Variants in ACSS3 observed in about 807,000 individuals in gnomAD.
ACSS3 encodes the protein acyl-CoA synthetase short-chain family member 3, mitochondrial.
In ACSS3, 64 loss-of-function variants were observed where a neutral mutation model predicts 84.2. That is an observed-to-expected ratio of 0.76 (90% CI 0.62 to 0.94). The LOEUF (loss-of-function observed/expected upper bound fraction) is 0.94. ACSS3 is among the 40% of genes least tolerant of loss of function. The pLI, the probability that ACSS3 is intolerant of heterozygous loss-of-function variation, is 0.00. For synonymous variants in ACSS3, 317 were observed against 310.1 expected, an observed-to-expected ratio of 1.02 and a Z score of -0.23; for missense variants, 815 against 867.6, an observed-to-expected ratio of 0.94 and a Z score of 0.76.
chr12:81,184,886 G>A (rs1225892868), intron 8 of ACSS3, among the ~76,000 whole-genome samples: 1 of 151,620 alleles, frequency 6.6e-6, no homozygotes, highest in African/African-American at 2.4e-5. Flanking sequence ...CACATTTTAT[G>A]GGGCCAGCAT....
chr12:81,117,315 T>C (rs1472927168), intron 2 of ACSS3, among the ~76,000 whole-genome samples: 1 of 152,180 alleles, frequency 6.6e-6, no homozygotes, highest in African/African-American at 2.4e-5. Context: ...TAGTTGGGAA[T>C]ATGTACTATG....
intron 8 of ACSS3, among the ~76,000 whole-genome samples, chr12:81,191,954 A>T (rs2031591369): frequency 1.3e-5 from 2 of 152,212 alleles, no homozygotes; most frequent in African/African-American, 4.8e-5. Flanking sequence ...ATATTTCCTG[A>T]ACATATTCAT....
At chr12:81,152,222 A>T in intron 7 of ACSS3, 126 bp downstream of exon 7, 1 of 620,778 alleles carries the variant, frequency 1.6e-6, no homozygotes, top group East Asian at 2.9e-5. Flanking sequence ...ATCTTCTTCC[A>T]GTTAAAAATA....
intron 2 of ACSS3, chr12:81,125,739 A>G (rs1301887380): frequency 6.6e-6 from 1 of 152,070 alleles, no homozygotes; most frequent in Non-Finnish European, 1.5e-5. Flanking sequence ...CTCTCTTCTG[A>G]TGTTGAGATC....
At position 81,255,105 on chromosome 12, in the gene ACSS3, T is replaced by G; in HGVS notation, c.*183T>G. 1.8e-6 allele frequency: 1 copy of G among 552,668 alleles called. No homozygotes were observed. The highest frequency in any genetic ancestry group is 2.7e-5 in the South Asian group (1 of 36,696). 34.2% of individuals were successfully genotyped at this position (552,668 alleles called of 1,614,324 possible). ...GAAAGACCTGTGCCTTTTTTTTGGT[T>G]TGACCCTGTTAGCATTGTTATTAGT... On this transcript the variant is annotated 3_prime_UTR_variant, in exon 16 of 16. Coordinates refer to ENST00000548058, the MANE Select transcript of ACSS3 (RefSeq NM_024560.4).
chr12:81,213,957 C>CTTTCTTTCTTTCTTTCTTTCTTTCTT (rs1165408959), intron 9 of ACSS3, among the ~76,000 whole-genome samples: 4 of 49,146 alleles, frequency 8.1e-5, no homozygotes, highest in Non-Finnish European at 1.7e-4. Context: ...CTCCCTCTCT[C>CTTTCTTTCTTTCTTTCTTTCTTTCTT]TCTTTCTTTC....
At chr12:81,120,609 A>G (rs1884503440) in intron 2 of ACSS3, among the ~76,000 whole-genome samples, 1 of 152,202 alleles carries the variant, frequency 6.6e-6, no homozygotes, top group African/African-American at 2.4e-5. Flanking sequence ...TATTTTTCAT[A>G]TAAGGTTTTC....
chr12:81,123,654 C>T lies in ACSS3; in HGVS notation c.457-11162C>T, dbSNP rs1370351394. 3.9e-5 allele frequency among the ~76,000 whole-genome samples: 6 copies of T among 152,026 alleles called. No individual in the cohort carries two copies. The East Asian group carries it at 7.7e-4, about 20-fold the overall frequency. ...ATAGTCCCCAGTGCCCAGTGTCTAT[C>T]GTTCTCATCTCTATTTCCATATGTA... On this transcript the variant is annotated intron_variant, in intron 2 of 15. Coordinates refer to ENST00000548058, the MANE Select transcript of ACSS3 (RefSeq NM_024560.4).
chr12:81,202,837 TAAG>T (rs2032170230), intron 9 of ACSS3, among the ~76,000 whole-genome samples: 1 of 152,200 alleles, frequency 6.6e-6, no homozygotes, highest in South Asian at 2.1e-4. Context: ...ACTTGAGTTG[TAAG>T]AAGGGACTCC....
rs915375300 is a variant in ACSS3 at position 81,256,691 on chromosome 12, A to T, written c.*1769A>T. On this transcript the variant is annotated 3_prime_UTR_variant, in exon 16 of 16. Transcript: ENST00000548058. Reference sequence around the variant, plus strand: ...TATAAAAATGACCTACAACTTATATAAAAAAATTCTGAAAATGTTGACTTT... The same window carrying T: ...TATAAAAATGACCTACAACTTATATTAAAAAATTCTGAAAATGTTGACTTT... The T allele has an allele frequency of 1.7e-4, 26 of 151,288 alleles. No individual in the cohort carries two copies. The highest frequency in any genetic ancestry group is 2.6e-4 in the Admixed American group (4 of 15,274). 9.4% of individuals were successfully genotyped at this position (151,288 alleles called of 1,614,324 possible).
chr12:81,200,292 G>A (rs943822734), intron 9 of ACSS3, among the ~76,000 whole-genome samples: 1 of 152,146 alleles, frequency 6.6e-6, no homozygotes, highest in African/African-American at 2.4e-5. Flanking sequence ...AGCCATGGGA[G>A]CCCTACAACC....
chr12:81,079,449 A>G (rs1008471844), intron 1 of ACSS3, among the ~76,000 whole-genome samples: 1 of 152,176 alleles, frequency 6.6e-6, no homozygotes, highest in Admixed American at 6.5e-5. Flanking sequence ...TCAGGTTTGC[A>G]GTGGACGAAT....
At chr12:81,088,447 A>T (rs1881460713) in intron 1 of ACSS3, among the ~76,000 whole-genome samples, 1 of 152,028 alleles carries the variant, frequency 6.6e-6, no homozygotes, top group African/African-American at 2.4e-5. Flanking sequence ...TAAAATAGCT[A>T]ACCTTTTTAT....
chr12:81,141,668 C>A (rs1886099389), intron 4 of ACSS3, among the ~76,000 whole-genome samples: 1 of 152,028 alleles, frequency 6.6e-6, no homozygotes, highest in South Asian at 2.1e-4. Context: ...AATTATCAAC[C>A]TGTAATTATT....
intron 9 of ACSS3, among the ~76,000 whole-genome samples, chr12:81,213,579 CT>C (rs2032683897): frequency 2.7e-5 from 1 of 37,216 alleles, no homozygotes; most frequent in Non-Finnish European, 6.5e-5. Flanking sequence ...CTCCTCTCCT[CT>C]CCTCCCCTCC....
rs780328649 is a variant in ACSS3 at position 81,152,085 on chromosome 12, G to GT, written c.1091dup (p.Leu364PhefsTer3). On this transcript the variant is annotated frameshift_variant, in exon 7 of 16. Transcript: ENST00000548058. LOFTEE classifies it high-confidence loss of function. ...ACCTCTTCTTCATGGGAACACAACAGTTTTATATGAGGTAATAAAGTAAAG... is the reference window on the plus strand; with the variant it reads ...ACCTCTTCTTCATGGGAACACAACAGTTTTTATATGAGGTAATAAAGTAAAG... 1 of 1,610,938 alleles carries GT rather than the reference G, an allele frequency of 6.2e-7. No homozygotes were observed. The highest frequency in any genetic ancestry group is 1.3e-5 in the African/African-American group (1 of 74,938).
intron 5 of ACSS3, among the ~76,000 whole-genome samples, chr12:81,147,334 G>A (rs145427411): frequency 1.8e-3 from 275 of 152,266 alleles, no homozygotes; most frequent in African/African-American, 6.3e-3. Flanking sequence ...TAATTGCATT[G>A]TTCACACGGG....
In ACSS3 at chr12:81,078,255, TCTCGGGGG is replaced by T; in HGVS notation, c.137_144del (p.Leu46ProfsTer63). Reference sequence around the variant, plus strand: ...TAGTGGTCCCGGGCCCGCGGGGCGGTCTCGGGGGCCGGGGATGCAGGGCACTGTCCTCC... The same window carrying T: ...TAGTGGTCCCGGGCCCGCGGGGCGGTCCGGGGATGCAGGGCACTGTCCTCC... On this transcript the variant is annotated frameshift_variant, in exon 1 of 16. Coordinates refer to ENST00000548058, the MANE Select transcript of ACSS3 (RefSeq NM_024560.4). LOFTEE classifies it high-confidence loss of function. The T allele has an allele frequency of 6.2e-7, 1 of 1,607,816 alleles. No homozygotes were observed.
intron 7 of ACSS3, among the ~76,000 whole-genome samples, chr12:81,161,259 A>G (rs574280389): frequency 1.1e-4 from 16 of 152,342 alleles, no homozygotes; most frequent in African/African-American, 3.4e-4. Flanking sequence ...AGAAATCAGC[A>G]TACAGGGATG....
Sources: allele counts gnomAD v4.1 joint callset (sites outside exome capture counted in the v4.1 genomes callset), GRCh38; gene constraint gnomAD v4.1.1; transcripts MANE v1.5; gene names NCBI Gene and HGNC (gene_info 2026-07-23, HGNC 2026-07-21).